The following SMARCB1 variants were observed in gnomAD, a reference collection of about 807,000 sequenced individuals.
SMARCB1 encodes the protein SWI/SNF-related matrix-associated actin-dependent regulator of chromatin subfamily B member 1.
In SMARCB1, 5 loss-of-function variants were observed where a neutral mutation model predicts 49.0. The ratio of observed to expected loss-of-function variants is 0.10; its 90% CI spans 0.05 to 0.21. SMARCB1 has a LOEUF of 0.21. Among genes scored for constraint, SMARCB1 ranks in the 10% least tolerant of loss-of-function variants. SMARCB1 has a pLI of 1.00. For missense variants in SMARCB1, 226 were observed against 509.2 expected (o/e 0.44, Z 5.35); for synonymous variants, 201 against 200.1 (o/e 1.00, Z -0.04).
At chr22:23,816,980 G>T in intron 6 of SMARCB1, 44 bp downstream of exon 6, 1 of 1,552,152 alleles carries the variant, frequency 6.4e-7, no homozygotes, top group Non-Finnish European at 8.9e-7. Context: ...CTGGCCCTCA[G>T]GGTGGGTGTC....
At chr22:23,806,294 C>T (rs1025050209) in intron 5 of SMARCB1, among the ~76,000 whole-genome samples, 4 of 152,202 alleles carry the variant, frequency 2.6e-5, no homozygotes, top group Non-Finnish European at 4.4e-5. Flanking sequence ...CGTCCATGAA[C>T]TCCACAGTGA....
chr22:23,788,255 TA>T (rs1469093756), intron 1 of SMARCB1, among the ~76,000 whole-genome samples: 1 of 152,112 alleles, frequency 6.6e-6, no homozygotes. Context: ...GTTACCTTTT[TA>T]AAAAAATTAT....
At position 23,822,886 on chromosome 22, in the gene SMARCB1, T is replaced by G. The variant is rs181442193; in HGVS notation, c.796-2339T>G. Among the ~76,000 whole-genome samples, 278 of 140,486 alleles carry G rather than the reference T, an allele frequency of 2.0e-3. 3 individuals are homozygous for G. Among genetic ancestry groups the G allele is most frequent in the Admixed American group, 5.1e-3 (66 of 12,874 alleles). The allele number at this position is 140,486 out of a possible 152,430, so 92.2% of individuals were successfully genotyped here. A position where few individuals can be genotyped will look rare whatever the true frequency, so the allele number is the denominator to read the frequency against. ...CCTCCCTCCCTTTCCTCCCTGGCAC[T>G]CCCGTGCTTTCTGGTACACCACATG... On this transcript the variant is annotated intron_variant, in intron 6 of 8. Transcript: ENST00000644036.
At chr22:23,803,879 C>G (rs1057486578) in intron 5 of SMARCB1, 7 of 254,082 alleles carry the variant, frequency 2.8e-5, no homozygotes, top group South Asian at 1.5e-4. Flanking sequence ...CAGATGCCAT[C>G]TCTTCTGGCT....
intron 3 of SMARCB1, among the ~76,000 whole-genome samples, chr22:23,797,215 G>C (rs886474949): frequency 1.3e-5 from 2 of 149,754 alleles, no homozygotes; most frequent in African/African-American, 2.5e-5. Context: ...AGCCAGGATG[G>C]TCTTGATCTC....
chr22:23,823,820 T>C (rs938855309), intron 6 of SMARCB1: 3 of 152,212 alleles, frequency 2.0e-5, no homozygotes, highest in Admixed American at 2.0e-4. Flanking sequence ...ATACATTGCC[T>C]GGGCCTTGTA....
At position 23,836,445 on chromosome 22, in the gene SMARCB1, C is replaced by T. The variant is rs527714153; in HGVS notation, c.*2265C>T. On this transcript the variant is annotated 3_prime_UTR_variant, in exon 9 of 9. Coordinates refer to ENST00000644036, the MANE Select transcript of SMARCB1 (RefSeq NM_003073.5). ...GCAGCCGAAATCTGGTGAACTTCCC[C>T]GCTGACTGGCAGGTAGCAGAGGCCT... 5 of 990,756 alleles carry T rather than the reference C, an allele frequency of 5.0e-6. No individual in the cohort carries two copies. The highest frequency in any genetic ancestry group is 6.1e-5 in the Admixed American group (1 of 16,420). 61.4% of individuals were successfully genotyped at this position (990,756 alleles called of 1,614,324 possible).
rs2146060454 is a variant in SMARCB1 at position 23,837,072 on chromosome 22, A to G, written c.*2892A>G. ...GGGCTCTCAACACTCACAGGAAGCC[A>G]GGGGTCTGCAGGAGCCTCTTGCCTC... On this transcript the variant is annotated 3_prime_UTR_variant, in exon 9 of 9. Transcript: ENST00000644036. The G allele has an allele frequency of 6.2e-7, 1 of 1,613,828 alleles. No individual in the cohort carries two copies. The highest frequency in any genetic ancestry group is 1.1e-5 in the South Asian group (1 of 91,060).
chr22:23,797,581 A>T (rs560715842), intron 3 of SMARCB1, among the ~76,000 whole-genome samples: 86 of 102,900 alleles, frequency 8.4e-4, no homozygotes, highest in Non-Finnish European at 1.2e-3. Flanking sequence ...AAGTGCTGGG[A>T]TTACAGACAT....
At chr22:23,805,539 C>CT (rs1929441269) in intron 5 of SMARCB1, among the ~76,000 whole-genome samples, 1 of 152,112 alleles carries the variant, frequency 6.6e-6, no homozygotes, top group Admixed American at 6.6e-5. Flanking sequence ...GAGTTTCACT[C>CT]TTGTTGCCCA....
chr22:23,809,514 G>C (rs921711267), intron 5 of SMARCB1, among the ~76,000 whole-genome samples: 1 of 151,666 alleles, frequency 6.6e-6, no homozygotes, highest in Non-Finnish European at 1.5e-5. Context: ...CACCTCAGGT[G>C]ATCCGCCCAC....
At chr22:23,789,461 A>T (rs879450630) in intron 1 of SMARCB1, among the ~76,000 whole-genome samples, 3 of 152,356 alleles carry the variant, frequency 2.0e-5, no homozygotes, top group Admixed American at 1.3e-4. Context: ...GCAAATTGAG[A>T]AGCTGTGCGT....
chr22:23,810,768 G>T (rs1929823598), intron 5 of SMARCB1, among the ~76,000 whole-genome samples: 1 of 152,054 alleles, frequency 6.6e-6, no homozygotes, highest in Admixed American at 6.6e-5. Context: ...GGTGGCTTAT[G>T]CCTGTAATCG....
At chr22:23,834,050 C>G (rs2030825241) in intron 8 of SMARCB1, 91 bp from the exon 9 acceptor site, 1 of 1,399,914 alleles carries the variant, frequency 7.1e-7, no homozygotes, top group African/African-American at 1.4e-5. Context: ...GTTCCCACCC[C>G]TACACTTGGC....
chr22:23,837,474 A>ATTATGTGGGCCAT lies in SMARCB1; in HGVS notation c.*3294_*3295insTTATGTGGGCCAT, dbSNP rs1568968791. ...TCAGTAGATCCGTCCTGACGATGCA[A>ATTATGTGGGCCAT]ATTATGTGGGCCGGCTGGCTTGAGG... On this transcript the variant is annotated 3_prime_UTR_variant, in exon 9 of 9. Coordinates refer to ENST00000644036, the MANE Select transcript of SMARCB1 (RefSeq NM_003073.5). The ATTATGTGGGCCAT allele has an allele frequency of 3.6e-5, 25 of 691,320 alleles. No homozygotes were observed. In the African/African-American group the frequency reaches 3.8e-4, roughly 10 times the overall value. 42.8% of individuals were successfully genotyped at this position (691,320 alleles called of 1,614,324 possible).
At chr22:23,805,406 C>G (rs913991297) in intron 5 of SMARCB1, among the ~76,000 whole-genome samples, 4 of 152,218 alleles carry the variant, frequency 2.6e-5, no homozygotes, top group African/African-American at 9.6e-5. Context: ...CCAAGCTCCC[C>G]GTTTATCTCT....
intron 7 of SMARCB1, 139 bp downstream of exon 7, chr22:23,825,554 TCCG>T: frequency 1.4e-6 from 1 of 721,602 alleles, no homozygotes; most frequent in South Asian, 1.8e-5. Context: ...GTGTGTTTGC[TCCG>T]TCCTCCTCCT....
At chr22:23,831,716 T>C (rs749644683) in intron 7 of SMARCB1, among the ~76,000 whole-genome samples, 17 of 152,152 alleles carry the variant, frequency 1.1e-4, no homozygotes, top group Non-Finnish European at 2.2e-4. Context: ...GAGGAAAACA[T>C]GTTTTGCTCC....
chr22:23,812,958 G>C (rs1305416075), intron 5 of SMARCB1, among the ~76,000 whole-genome samples: 1 of 150,396 alleles, frequency 6.6e-6, no homozygotes, highest in African/African-American at 2.4e-5. Flanking sequence ...TCTGCCTCCT[G>C]GATTCACACC....
Sources: gnomAD v4.1 joint callset for allele counts (sites outside exome capture counted in the v4.1 genomes callset) on GRCh38, gnomAD v4.1.1 for gene constraint, MANE v1.5 for transcripts, NCBI Gene and HGNC (gene_info 2026-07-23, HGNC 2026-07-21) for gene names.